The following SORBS2 variants were observed in gnomAD, a reference collection of about 807,000 sequenced individuals.
SORBS2 encodes sorbin and SH3 domain containing 2.
In SORBS2, 46 loss-of-function variants were observed where a neutral mutation model predicts 97.7. The observed-to-expected ratio is 0.47, with a 90% confidence interval of 0.37 to 0.60. The LOEUF (loss-of-function observed/expected upper bound fraction) is 0.60, where lower values mean the gene tolerates loss of function less well. Ranked by LOEUF, SORBS2 falls within the 20% of genes least tolerant of loss-of-function variation. SORBS2 has a pLI of 0.00. For synonymous variants in SORBS2, 476 were observed against 473.4 expected (o/e 1.01, Z -0.07); for missense variants, 1,316 against 1,282.3 (o/e 1.03, Z -0.40).
intron 1 of SORBS2, among the ~76,000 whole-genome samples, chr4:185,785,050 G>C: frequency 6.6e-6 from 1 of 151,986 alleles, no homozygotes; most frequent in East Asian, 1.9e-4. Flanking sequence ...TGTTTATTCT[G>C]TTCTCGGTGG....
intron 4 of SORBS2, among the ~76,000 whole-genome samples, chr4:185,667,961 C>T (rs115425581): frequency 0.02 from 3,005 of 152,068 alleles, 101 homozygotes; most frequent in African/African-American, 0.069. Context: ...CTTTGGATAG[C>T]GTCAATGAAA....
intron 1 of SORBS2, among the ~76,000 whole-genome samples, chr4:185,802,021 C>A (rs1282028259): frequency 6.6e-6 from 1 of 152,164 alleles, no homozygotes; most frequent in East Asian, 1.9e-4. Context: ...ACACTATTGT[C>A]AAAATCCCAC....
chr4:185,623,835 C>T lies in SORBS2; in HGVS notation c.1294G>A (p.Asp432Asn). 1 of 1,614,188 alleles carries T rather than the reference C, an allele frequency of 6.2e-7. No homozygotes were observed. The highest frequency in any genetic ancestry group is 2.2e-5 in the East Asian group (1 of 44,876). The change falls in exon 7 of 15, where the codon GAT becomes AAT. Residue 432 changes from aspartate (D) to asparagine (N), a missense_variant. Asp to Asn is a conservative substitution (Grantham distance 23, BLOSUM62 1). Transcript: ENST00000418609. This position sits in a 1 kb window ranked among gnomAD's most constrained non-coding sequence, Gnocchi z 6.4. ...AGGGTTACGGGAGACAGCATGTCATCCCCTAAATTTGGCATGGATTTGGAC... is the reference window on the plus strand; with the variant it reads ...AGGGTTACGGGAGACAGCATGTCATTCCCTAAATTTGGCATGGATTTGGAC...
At chr4:185,663,437 T>C (rs2097548956) in intron 4 of SORBS2, among the ~76,000 whole-genome samples, 1 of 152,238 alleles carries the variant, frequency 6.6e-6, no homozygotes, top group African/African-American at 2.4e-5. Flanking sequence ...AACATTTCAT[T>C]ACAAGCCTTG....
intron 1 of SORBS2, among the ~76,000 whole-genome samples, chr4:185,861,631 G>A (rs892538714): frequency 1.6e-5 from 2 of 123,676 alleles, no homozygotes; most frequent in African/African-American, 6.6e-5. Context: ...TTTTGAGATG[G>A]AATCTCACTC....
rs1491116547 is a variant in SORBS2 at position 185,877,867 on chromosome 4, C to CAAAAAAAAAAAA, written c.-338+78328_-338+78329insTTTTTTTTTTTT. 1.3e-3 allele frequency among the ~76,000 whole-genome samples: 66 copies of CAAAAAAAAAAAA among 50,430 alleles called. 2 individuals are homozygous for CAAAAAAAAAAAA. The highest frequency in any genetic ancestry group is 2.5e-3 in the African/African-American group (34 of 13,418). 33.1% of individuals were successfully genotyped at this position (50,430 alleles called of 152,430 possible). A position where few individuals can be genotyped will look rare whatever the true frequency, so the allele number is the denominator to read the frequency against. Reference sequence around the variant, plus strand: ...CCTGGGTGACAGAGTGAGACTCTGTCAAAAAACAAAAAAAAAAAAGAAAGA... The same window carrying CAAAAAAAAAAAA: ...CCTGGGTGACAGAGTGAGACTCTGTCAAAAAAAAAAAAAAAAAACAAAAAAAAAAAAGAAAGA... On this transcript the variant is annotated intron_variant, in intron 1 of 20. Transcript: ENST00000284776.
chr4:185,756,299 C>G (rs754194519), intron 2 of SORBS2, among the ~76,000 whole-genome samples: 1 of 152,144 alleles, frequency 6.6e-6, no homozygotes, highest in Non-Finnish European at 1.5e-5. Flanking sequence ...TGAAAAATTT[C>G]CCCTTAGTAT....
At chr4:185,765,370 A>T (rs2098928259) in intron 2 of SORBS2, among the ~76,000 whole-genome samples, 1 of 142,502 alleles carries the variant, frequency 7.0e-6, no homozygotes, top group Admixed American at 7.4e-5. Context: ...AAATGTTTTT[A>T]CACCTGTGGT....
At chr4:185,842,462 T>C (rs1360712134) in intron 1 of SORBS2, among the ~76,000 whole-genome samples, 1 of 152,136 alleles carries the variant, frequency 6.6e-6, no homozygotes, top group Non-Finnish European at 1.5e-5. Context: ...CCTGATCTCA[T>C]GACCTTACTG....
At chr4:185,701,353 G>T (rs1030093680) in intron 2 of SORBS2, among the ~76,000 whole-genome samples, 3 of 152,162 alleles carry the variant, frequency 2.0e-5, no homozygotes, top group Admixed American at 6.5e-5. Flanking sequence ...CCTCTTGTTC[G>T]CATCGACTCT....
chr4:185,667,130 T>A (rs575306884), intron 4 of SORBS2, among the ~76,000 whole-genome samples: 1 of 152,324 alleles, frequency 6.6e-6, no homozygotes, highest in South Asian at 2.1e-4. Flanking sequence ...GCAACTTTTC[T>A]TACTTATTTT....
intron 1 of SORBS2, 28 bp from the exon 2 acceptor site, chr4:185,775,394 A>C (rs2098994804): frequency 6.6e-6 from 1 of 152,642 alleles, no homozygotes; most frequent in African/African-American, 2.4e-5. Context: ...AGAGAGAGGC[A>C]AATGAGAGAG....
chr4:185,844,476 T>C (rs974218656), intron 1 of SORBS2, among the ~76,000 whole-genome samples: 4 of 152,140 alleles, frequency 2.6e-5, no homozygotes, highest in African/African-American at 9.7e-5. Context: ...CAGATGTTGC[T>C]AAGGATGTGA....
chr4:185,915,502 A>G (rs962902971), intron 1 of SORBS2, among the ~76,000 whole-genome samples: 13 of 152,200 alleles, frequency 8.5e-5, no homozygotes, highest in African/African-American at 3.1e-4. Flanking sequence ...GGACCAGGAG[A>G]GTACATACAA....
At position 185,749,470 on chromosome 4, in the gene SORBS2, C is replaced by A. The variant is rs80295296; in HGVS notation, c.-198+25757G>T. Among the ~76,000 whole-genome samples the A allele has an allele frequency of 9.4e-3, 1,422 of 151,182 alleles. 23 individuals are homozygous for A. The highest frequency in any genetic ancestry group is 0.033 in the African/African-American group (1,363 of 41,194). On this transcript the variant is annotated intron_variant, in intron 2 of 20. Transcript: ENST00000284776. ...AAGCAATGACAAGAAAGAAAAAAAA[C>A]TTTTAAGATGAAATCCTGATGGGAT...
At chr4:185,810,898 A>T (rs922083821) in intron 1 of SORBS2, 1 of 152,120 alleles carries the variant, frequency 6.6e-6, no homozygotes, top group Non-Finnish European at 1.5e-5. Context: ...TCTGCTTGTG[A>T]GAAAAATTGT....
At chr4:185,838,500 A>G (rs1185550907) in intron 1 of SORBS2, among the ~76,000 whole-genome samples, 1 of 152,194 alleles carries the variant, frequency 6.6e-6, no homozygotes, top group Admixed American at 6.5e-5. Context: ...TGGCCCTCAG[A>G]GAGGACACAG....
intron 1 of SORBS2, among the ~76,000 whole-genome samples, chr4:185,928,722 A>C (rs966565322): frequency 6.6e-6 from 1 of 151,976 alleles, no homozygotes; most frequent in African/African-American, 2.4e-5. Context: ...ATTATTTTGT[A>C]TTTTTAGTAG....
At chr4:185,586,126 G>A (rs7674108) in exon 15 of SORBS2, 127,391 of 152,498 alleles carry the variant, frequency 0.84, 53,902 homozygotes, top group East Asian at 0.91. Context: ...TAGAGGCTAC[G>A]TACATTGTGA....
Sources: gnomAD v4.1 joint callset for allele counts (sites outside exome capture counted in the v4.1 genomes callset) on GRCh38, gnomAD v4.1.1 for gene constraint, Gnocchi (gnomAD v3.1) non-coding constraint, MANE v1.5 for transcripts, NCBI Gene and HGNC (gene_info 2026-07-23, HGNC 2026-07-21) for gene names.